Variants in NELL1 observed in about 807,000 individuals in gnomAD.
NELL1 encodes the protein protein kinase C-binding protein NELL1.
A neutral mutation model predicts 107.4 loss-of-function variants in NELL1; 76 were observed. That is an observed-to-expected ratio of 0.71 (90% CI 0.59 to 0.86). The LOEUF (loss-of-function observed/expected upper bound fraction) is 0.86, where lower values mean the gene tolerates loss of function less well. Ranked by LOEUF, NELL1 falls within the 40% of genes least tolerant of loss-of-function variation. NELL1 has a pLI of 0.00. For synonymous variants in NELL1, 353 were observed against 341.2 expected, an observed-to-expected ratio of 1.03 and a Z score of -0.38; for missense variants, 1,024 against 1,005.5, an observed-to-expected ratio of 1.02 and a Z score of -0.25.
chr11:20,939,531 G>T (rs759856958), intron 10 of NELL1, among the ~76,000 whole-genome samples: 1 of 152,110 alleles, frequency 6.6e-6, no homozygotes, highest in Non-Finnish European at 1.5e-5. Context: ...TTTGGAGAAA[G>T]GACATATGAT....
At chr11:21,272,923 CA>C (rs1313351438) in intron 14 of NELL1, among the ~76,000 whole-genome samples, 1 of 152,092 alleles carries the variant, frequency 6.6e-6, no homozygotes, top group Non-Finnish European at 1.5e-5. Flanking sequence ...CATCAAAGAC[CA>C]AAGGTAGATA....
intron 5 of NELL1, among the ~76,000 whole-genome samples, chr11:20,907,250 A>AAAAT (rs1850021038): frequency 6.7e-6 from 1 of 148,364 alleles, no homozygotes; most frequent in South Asian, 2.2e-4. Context: ...AAAAAAAAAA[A>AAAAT]TTTCTTCATC....
At chr11:21,077,540 C>T (rs7928489) in intron 12 of NELL1, among the ~76,000 whole-genome samples, 88,435 of 151,786 alleles carry the variant, frequency 0.58, 26,155 homozygotes, top group East Asian at 0.72. Context: ...GTCAGGAGTT[C>T]GAGACCAGCC....
intron 14 of NELL1, among the ~76,000 whole-genome samples, chr11:21,232,565 A>G (rs1858091791): frequency 6.6e-6 from 1 of 152,230 alleles, no homozygotes; most frequent in African/African-American, 2.4e-5. Context: ...CATATATTTT[A>G]TAGTTAACTT....
rs1462978313 is a variant in NELL1, at chr11:21,229,784, G to A, written c.1549+330G>A. ...TCTTTCCTGTGAGATTTTCCCCAAG[G>A]GCAAGTGGACACTGTTTCTGTCCAC... is the stretch of plus-strand genomic sequence containing the variant. On this transcript the variant is annotated intron_variant, in intron 14 of 19. Coordinates refer to ENST00000357134, the MANE Select transcript of NELL1 (RefSeq NM_006157.5). 5.3e-5 allele frequency among the ~76,000 whole-genome samples: 8 copies of A among 152,240 alleles called. No individual in the cohort carries two copies. The East Asian group carries it at 1.4e-3, about 26-fold the overall frequency.
chr11:21,049,206 T>G (rs1590583443), intron 12 of NELL1, among the ~76,000 whole-genome samples: 1 of 152,180 alleles, frequency 6.6e-6, no homozygotes, highest in Admixed American at 6.5e-5. Context: ...GAGGCAGCTC[T>G]TCTCCACTAA....
At chr11:21,118,917 T>C (rs1855298785) in intron 13 of NELL1, among the ~76,000 whole-genome samples, 1 of 152,106 alleles carries the variant, frequency 6.6e-6, no homozygotes, top group Non-Finnish European at 1.5e-5. Flanking sequence ...ATATCAGCTT[T>C]GGTGATTCAT....
chr11:20,948,495 A>G (rs1462096949), intron 11 of NELL1, among the ~76,000 whole-genome samples: 1 of 152,084 alleles, frequency 6.6e-6, no homozygotes, highest in African/African-American at 2.4e-5. Flanking sequence ...TGTTGGGAAC[A>G]TTACAATTCT....
chr11:21,507,346 A>G (rs1473908580), intron 15 of NELL1, among the ~76,000 whole-genome samples: 1 of 152,228 alleles, frequency 6.6e-6, no homozygotes, highest in East Asian at 1.9e-4. Flanking sequence ...CTCTTGTGAC[A>G]TTTGGCAGCA....
rs746245273 is a variant in NELL1 at position 20,985,665 on chromosome 11, T to C, written c.1300+25105T>C. Among the ~76,000 whole-genome samples, 7 of 152,278 alleles carry C rather than the reference T, an allele frequency of 4.6e-5. No individual in the cohort carries two copies. In the South Asian group the frequency reaches 1.5e-3, roughly 32 times the overall value. On this transcript the variant is annotated intron_variant, in intron 12 of 19. Coordinates refer to ENST00000357134, the MANE Select transcript of NELL1 (RefSeq NM_006157.5). ...ATTTTGGGAAGTGGGGGGAAGAAGA[T>C]TAGAAGAAGATTAGAGTCTTTTCCT...
chr11:21,444,250 GC>G (rs1401213769), intron 15 of NELL1, among the ~76,000 whole-genome samples: 9 of 152,032 alleles, frequency 5.9e-5, no homozygotes, highest in Admixed American at 5.9e-4. Context: ...GGATAATTGG[GC>G]TGATTACCAC....
At chr11:21,439,499 G>A (rs1853223047) in intron 15 of NELL1, among the ~76,000 whole-genome samples, 1 of 152,156 alleles carries the variant, frequency 6.6e-6, no homozygotes, top group Admixed American at 6.6e-5. Context: ...GCAAAGGCAG[G>A]TGAACTGGCT....
At chr11:21,417,712 C>A (rs908681495) in intron 15 of NELL1, among the ~76,000 whole-genome samples, 1 of 152,008 alleles carries the variant, frequency 6.6e-6, no homozygotes, top group African/African-American at 2.4e-5. Flanking sequence ...TCCTTCTCAT[C>A]CCCATTACCT....
At chr11:20,791,643 T>C (rs940586035) in intron 3 of NELL1, among the ~76,000 whole-genome samples, 2 of 152,242 alleles carry the variant, frequency 1.3e-5, no homozygotes, top group African/African-American at 4.8e-5. Flanking sequence ...TTGTATTGTT[T>C]CTGATTTTAA....
At chr11:20,860,823 TGGA>T (rs375645115) in intron 4 of NELL1, among the ~76,000 whole-genome samples, 2 of 151,808 alleles carry the variant, frequency 1.3e-5, no homozygotes, top group East Asian at 3.9e-4. Flanking sequence ...CATGAAGGAG[TGGA>T]GGAGAAGGTG....
At position 21,534,521 on chromosome 11, in the gene NELL1, A is replaced by G. The variant is rs746981512; in HGVS notation, c.1786+7A>G. On this transcript the variant is annotated splice_region_variant and intron_variant, in intron 16 of 19. Transcript: ENST00000357134. ...TCCGGGGAGTCCTGTATTGGTAAGC[A>G]GCTTTCAGGCATGCCCTCCAACTGC... 6.8e-6 allele frequency: 11 copies of G among 1,613,488 alleles called. No individual in the cohort carries two copies. Among genetic ancestry groups the G allele is most frequent in the Non-Finnish European group, 9.3e-6 (11 of 1,179,692 alleles).
chr11:21,441,330 C>CTTGTGTGTGTGTGTGTGT (rs1309300543), intron 15 of NELL1, among the ~76,000 whole-genome samples: 2 of 140,150 alleles, frequency 1.4e-5, no homozygotes, highest in African/African-American at 5.1e-5. Flanking sequence ...GAGGCTGTGA[C>CTTGTGTGTGTGTGTGTGT]GTGTGTGTGT....
At chr11:21,187,186 G>A (rs1239140455) in intron 13 of NELL1, among the ~76,000 whole-genome samples, 2 of 151,936 alleles carry the variant, frequency 1.3e-5, no homozygotes. Flanking sequence ...TCCTATTGGG[G>A]TTAGTCAAGG....
In NELL1 at chr11:20,693,341, GGTTATTTTGCTT is replaced by G. The variant is rs1404626314; in HGVS notation, c.184+15286_184+15297del. Among the ~76,000 whole-genome samples the G allele has an allele frequency of 2.6e-5, 4 of 151,430 alleles. No homozygotes were observed. The East Asian group carries it at 7.8e-4, about 30-fold the overall frequency. On this transcript the variant is annotated intron_variant, in intron 2 of 19. Transcript: ENST00000357134. Reference sequence around the variant, plus strand: ...TGATCCTGTCATTATGATGTTAGCTGGTTATTTTGCTTGTTAGTTGATGCAGTTTCTTCCTAG... The same window carrying G: ...TGATCCTGTCATTATGATGTTAGCTGGTTAGTTGATGCAGTTTCTTCCTAG...
Sources: allele counts gnomAD v4.1 joint callset (sites outside exome capture counted in the v4.1 genomes callset), GRCh38; gene constraint gnomAD v4.1.1; transcripts MANE v1.5; gene names NCBI Gene and HGNC (gene_info 2026-07-23, HGNC 2026-07-21).